BBS7: variants seen among roughly 807,000 people sequenced by gnomAD.
BBS7 encodes Bardet-Biedl syndrome 7.
In BBS7, 50 loss-of-function variants were observed where a neutral mutation model predicts 90.3. The ratio of observed to expected loss-of-function variants is 0.55; its 90% confidence interval spans 0.44 to 0.70. The LOEUF (loss-of-function observed/expected upper bound fraction) is 0.70, where lower values mean the gene tolerates loss of function less well. Ranked by LOEUF, BBS7 falls within the 30% of genes least tolerant of loss-of-function variation. The pLI, the probability that BBS7 is intolerant of heterozygous loss-of-function variation, is 0.00. For missense variants in BBS7, 729 were observed against 838.9 expected, an observed-to-expected ratio of 0.87 and a Z score of 1.62; for synonymous variants, 235 against 287.4, an observed-to-expected ratio of 0.82 and a Z score of 1.85.
At chr4:121,867,211 T>C (rs1578576259) in intron 2 of BBS7, among the ~76,000 whole-genome samples, 2 of 152,286 alleles carry the variant, frequency 1.3e-5, no homozygotes, top group Admixed American at 6.5e-5. Context: ...TGTTCTTGAT[T>C]TCTTTTTCAG....
At chr4:121,855,589 A>G (rs751602013) in intron 5 of BBS7, 28 bp from the exon 6 acceptor site, 1 of 1,584,282 alleles carries the variant, frequency 6.3e-7, no homozygotes, top group Non-Finnish European at 8.7e-7. Context: ...AAAAACTGAA[A>G]CAGAATACAA....
intron 1 of BBS7, among the ~76,000 whole-genome samples, chr4:121,868,499 C>G (rs1353818152): frequency 6.6e-6 from 1 of 151,608 alleles, no homozygotes; most frequent in Non-Finnish European, 1.5e-5. Flanking sequence ...CTAGGCAACA[C>G]AGGGAGACTC....
rs1725824026 is a variant in BBS7 at position 121,843,083 on chromosome 4, T to TG, written c.1305+843_1305+844insC. On this transcript the variant is annotated intron_variant, in intron 12 of 18. Coordinates refer to ENST00000264499, the MANE Select transcript of BBS7 (RefSeq NM_176824.3). ...AAACTATATAGCATTTTCAGGAATT[T>TG]TAAGAACTTCAGTTTGGCAGAAATA... Among the ~76,000 whole-genome samples, 7 of 152,260 alleles carry TG rather than the reference T, an allele frequency of 4.6e-5. No homozygotes were observed. In the East Asian group the frequency reaches 1.4e-3, roughly 29 times the overall value.
intron 15 of BBS7, among the ~76,000 whole-genome samples, chr4:121,832,008 A>AC (rs1199225715): frequency 2.0e-3 from 243 of 119,964 alleles, no homozygotes; most frequent in East Asian, 8.3e-3. Flanking sequence ...AAAAAAACAA[A>AC]AACACACACA....
intron 2 of BBS7, among the ~76,000 whole-genome samples, chr4:121,866,129 G>A (rs2149092410): frequency 6.6e-6 from 1 of 152,180 alleles, no homozygotes; most frequent in East Asian, 1.9e-4. Flanking sequence ...TTCCTTGTTG[G>A]ATGAGTAGTT....
chr4:121,862,261 CTATT>C (rs957042775), intron 3 of BBS7, among the ~76,000 whole-genome samples: 3 of 152,106 alleles, frequency 2.0e-5, no homozygotes, highest in Non-Finnish European at 4.4e-5. Flanking sequence ...AATCATATAT[CTATT>C]TAACTGAAAA....
chr4:121,830,457 T>A (rs1011158565), intron 15 of BBS7, among the ~76,000 whole-genome samples: 3 of 152,200 alleles, frequency 2.0e-5, no homozygotes, highest in African/African-American at 7.2e-5. Flanking sequence ...AATACACCCT[T>A]ACTACTTTGA....
chr4:121,838,633 T>C (rs1725580327), intron 13 of BBS7, among the ~76,000 whole-genome samples: 1 of 151,946 alleles, frequency 6.6e-6, no homozygotes. Flanking sequence ...TAGGAAAATA[T>C]ATGGTGAATG....
intron 1 of BBS7, 148 bp downstream of exon 1, chr4:121,870,130 G>T: frequency 2.2e-6 from 2 of 905,692 alleles, no homozygotes; most frequent in South Asian, 1.4e-5. Context: ...CTGCCCAAAG[G>T]CGGGGTGCTG....
Position 121,854,789 on chromosome 4 carries a change from T to C in BBS7, c.633A>G (p.Thr211=), listed in dbSNP as rs1726512108. The C allele has an allele frequency of 8.7e-6, 14 of 1,612,724 alleles. No individual in the cohort carries two copies. Among genetic ancestry groups the C allele is most frequent in the Non-Finnish European group, 1.2e-5 (14 of 1,179,098 alleles). The part of the protein sequence containing the change: ...GDSGEDLLFG[T]SDGKLALIQI... ...GTATAAGCGCAAGTTTTCCGTCTGA[T>C]GTCCCAAACAAAAGGTCTTCTCCAG... The change falls in exon 7 of 19, where the codon ACA becomes ACG. Residue 211 remains threonine (T), a synonymous_variant. Coordinates refer to ENST00000264499, the MANE Select transcript of BBS7 (RefSeq NM_176824.3).
chr4:121,857,153 C>G (rs1478583529), intron 5 of BBS7, among the ~76,000 whole-genome samples: 2 of 147,196 alleles, frequency 1.4e-5, no homozygotes, highest in Non-Finnish European at 3.0e-5. Context: ...GGATCTGACT[C>G]TGTCATCCAG....
At chr4:121,847,829 G>A (rs967601716) in intron 9 of BBS7, among the ~76,000 whole-genome samples, 1 of 151,862 alleles carries the variant, frequency 6.6e-6, no homozygotes, top group African/African-American at 2.4e-5. Context: ...AAAAATAGCT[G>A]AAAAATAAGA....
intron 13 of BBS7, among the ~76,000 whole-genome samples, chr4:121,837,020 C>A (rs1371473172): frequency 6.6e-6 from 1 of 151,740 alleles, no homozygotes; most frequent in Non-Finnish European, 1.5e-5. Flanking sequence ...AGTACAGTGG[C>A]ACAATCTCAG....
At chr4:121,866,397 G>A (rs560676886) in intron 2 of BBS7, among the ~76,000 whole-genome samples, 86 of 151,922 alleles carry the variant, frequency 5.7e-4, no homozygotes, top group African/African-American at 1.9e-3. Flanking sequence ...TGAGTAGCTG[G>A]GATTACAGGT....
chr4:121,853,758 T>A (rs999966731), intron 7 of BBS7, among the ~76,000 whole-genome samples: 5 of 151,778 alleles, frequency 3.3e-5, no homozygotes, highest in African/African-American at 4.8e-5. Flanking sequence ...GCTTAGTAAA[T>A]TAAGTGTCAC....
intron 8 of BBS7, among the ~76,000 whole-genome samples, chr4:121,851,729 C>T (rs1406289895): frequency 1.3e-5 from 2 of 152,176 alleles, no homozygotes; most frequent in African/African-American, 4.8e-5. Context: ...TCTACCAGTC[C>T]AGACTGTGTC....
chr4:121,866,728 A>G (rs1727297346), intron 2 of BBS7, among the ~76,000 whole-genome samples: 1 of 152,072 alleles, frequency 6.6e-6, no homozygotes, highest in Non-Finnish European at 1.5e-5. Flanking sequence ...GTCAAAAATC[A>G]GTTGGTTGTA....
intron 11 of BBS7, 53 bp downstream of exon 11, chr4:121,845,451 G>T: frequency 7.4e-7 from 1 of 1,349,094 alleles, no homozygotes; most frequent in Non-Finnish European, 1.1e-6. Context: ...ACATATGACT[G>T]GTTTGCAAAA....
At chr4:121,863,090 T>A in intron 3 of BBS7, 127 bp downstream of exon 3, 2 of 872,268 alleles carry the variant, frequency 2.3e-6, no homozygotes, top group South Asian at 3.2e-5. Flanking sequence ...ATATCTCACA[T>A]AACTACTTAC....
Sources: gnomAD v4.1 joint callset for allele counts (sites outside exome capture counted in the v4.1 genomes callset) on GRCh38, gnomAD v4.1.1 for gene constraint, MANE v1.5 for transcripts, NCBI Gene and HGNC (gene_info 2026-07-23, HGNC 2026-07-21) for gene names.